GRIK2: variants seen among roughly 807,000 people sequenced by gnomAD.
The protein encoded by GRIK2 is glutamate receptor ionotropic, kainate 2.
In GRIK2, 32 loss-of-function variants were observed where a neutral mutation model predicts 100.3. That is an observed-to-expected ratio of 0.32 (90% CI 0.24 to 0.43). The LOEUF (loss-of-function observed/expected upper bound fraction) is 0.43, where lower values mean the gene tolerates loss of function less well. GRIK2 is among the 20% of genes least tolerant of loss of function. The pLI is 1.00. For missense variants in GRIK2, 843 were observed against 1,114.9 expected (o/e 0.76, Z 3.47); for synonymous variants, 417 against 389.4 (o/e 1.07, Z -0.83).
chr6:102,051,431 A>G (rs920344995), intron 15 of GRIK2, among the ~76,000 whole-genome samples: 2 of 152,154 alleles, frequency 1.3e-5, no homozygotes, highest in African/African-American at 2.4e-5. Flanking sequence ...TGTTTAAATT[A>G]TCAAAGAAAG....
intron 15 of GRIK2, among the ~76,000 whole-genome samples, chr6:102,049,880 A>G (rs1771081626): frequency 6.6e-6 from 1 of 152,196 alleles, no homozygotes; most frequent in Non-Finnish European, 1.5e-5. Context: ...TCAGCATGTT[A>G]AATATAAGAT....
chr6:101,542,473 C>A (rs1161356919), intron 2 of GRIK2, among the ~76,000 whole-genome samples: 1 of 45,638 alleles, frequency 2.2e-5, no homozygotes, highest in African/African-American at 8.8e-5. Context: ...AAAGAATGGT[C>A]ACTGTAGCAA....
chr6:101,820,677 C>G (rs376344951), intron 10 of GRIK2, among the ~76,000 whole-genome samples: 1 of 152,144 alleles, frequency 6.6e-6, no homozygotes, highest in Admixed American at 6.6e-5. Context: ...CTCTTGACCT[C>G]GTGATCCGCC....
chr6:101,493,939 G>A (rs1424190443), intron 2 of GRIK2, among the ~76,000 whole-genome samples: 2 of 140,222 alleles, frequency 1.4e-5, no homozygotes, highest in African/African-American at 2.6e-5. Flanking sequence ...TATATAATAT[G>A]TATTTATATA....
At chr6:102,016,775 ACTCC>A (rs1357541323) in intron 14 of GRIK2, among the ~76,000 whole-genome samples, 3 of 152,030 alleles carry the variant, frequency 2.0e-5, no homozygotes, top group African/African-American at 7.2e-5. Flanking sequence ...AATGCAGAGA[ACTCC>A]CACAAAATAT....
intron 10 of GRIK2, among the ~76,000 whole-genome samples, chr6:101,849,566 A>T (rs926334907): frequency 3.3e-5 from 5 of 151,912 alleles, no homozygotes; most frequent in Non-Finnish European, 7.4e-5. Flanking sequence ...TGATTTCCAT[A>T]CTCTATAAAA....
At chr6:101,626,282 T>G in intron 3 of GRIK2, 98 bp from the exon 4 acceptor site, 295 of 1,084,244 alleles carry the variant, frequency 2.7e-4, no homozygotes, top group Non-Finnish European at 3.6e-4. Context: ...AAATCTTTCT[T>G]GAGAATGATA....
chr6:101,492,940 C>A (rs1159702672), intron 2 of GRIK2, among the ~76,000 whole-genome samples: 1 of 151,744 alleles, frequency 6.6e-6, no homozygotes, highest in Non-Finnish European at 1.5e-5. Flanking sequence ...AAAAGACTAT[C>A]AGAAATAAAC....
rs947746406 is a variant in GRIK2, at chr6:101,495,478, C to T, written c.115+96086C>T. Among the ~76,000 whole-genome samples the T allele has an allele frequency of 2.0e-5, 3 of 152,032 alleles. No individual in the cohort carries two copies. The South Asian group carries it at 6.2e-4, about 32-fold the overall frequency. ...CCAAGATCTTGCCACTGCACTCTAGCCTGGGAGATAGAGCAAGACTCCGTC... is the reference window on the plus strand; with the variant it reads ...CCAAGATCTTGCCACTGCACTCTAGTCTGGGAGATAGAGCAAGACTCCGTC... On this transcript the variant is annotated intron_variant, in intron 2 of 16. Transcript: ENST00000369134.
chr6:101,571,941 GAAA>G (rs1160743100), intron 2 of GRIK2, among the ~76,000 whole-genome samples: 1 of 151,892 alleles, frequency 6.6e-6, no homozygotes, highest in Non-Finnish European at 1.5e-5. Context: ...TTACAAAACA[GAAA>G]AAAGGTGGAA....
At chr6:101,794,525 A>G (rs1332252050) in intron 7 of GRIK2, among the ~76,000 whole-genome samples, 2 of 151,606 alleles carry the variant, frequency 1.3e-5, no homozygotes, top group African/African-American at 2.4e-5. Context: ...TTTCTCTCTT[A>G]TTGTTTATCA....
intron 11 of GRIK2, among the ~76,000 whole-genome samples, chr6:101,871,942 A>G (rs1172501961): frequency 6.6e-6 from 1 of 151,936 alleles, no homozygotes; most frequent in Non-Finnish European, 1.5e-5. Flanking sequence ...TCTTTGAGAA[A>G]TCTCTAAAAT....
intron 7 of GRIK2, among the ~76,000 whole-genome samples, chr6:101,687,391 T>C (rs2518298): frequency 0.81 from 123,178 of 151,894 alleles, 51,749 homozygotes; most frequent in South Asian, 0.94. Context: ...GAAATTACCA[T>C]CTGCTTTTAA....
At chr6:101,512,986 A>G in intron 2 of GRIK2, among the ~76,000 whole-genome samples, 1 of 90,198 alleles carries the variant, frequency 1.1e-5, no homozygotes, top group South Asian at 6.0e-4. Flanking sequence ...CACTTGTTAC[A>G]GTCTTTCCAT....
chr6:101,608,827 G>GTGTGTGTA (rs1779554063), intron 2 of GRIK2, among the ~76,000 whole-genome samples: 1 of 72,092 alleles, frequency 1.4e-5, no homozygotes, highest in African/African-American at 5.8e-5. Context: ...GTATGTATGT[G>GTGTGTGTA]TGTGTGTGTC....
chr6:101,794,291 C>G (rs60086103), intron 7 of GRIK2, among the ~76,000 whole-genome samples: 24,921 of 151,988 alleles, frequency 0.16, 3,317 homozygotes, highest in East Asian at 0.66. Context: ...GAAATCACCC[C>G]TCTTCTGCGT....
chr6:101,969,658 A>G (rs1240839956), intron 14 of GRIK2, among the ~76,000 whole-genome samples: 2 of 152,094 alleles, frequency 1.3e-5, no homozygotes, highest in Non-Finnish European at 2.9e-5. Context: ...TTCATAGGAT[A>G]TACTTTTAGT....
intron 7 of GRIK2, among the ~76,000 whole-genome samples, chr6:101,700,645 A>G (rs1484945636): frequency 6.6e-6 from 1 of 152,152 alleles, no homozygotes; most frequent in African/African-American, 2.4e-5. Context: ...CAATATATTT[A>G]GCATGTTGCT....
intron 15 of GRIK2, among the ~76,000 whole-genome samples, chr6:102,053,942 A>C (rs1438038504): frequency 6.6e-6 from 1 of 152,196 alleles, no homozygotes; most frequent in East Asian, 1.9e-4. Context: ...TTTACACTGC[A>C]CCTTCATGTT....
Sources: gnomAD v4.1 joint callset for allele counts (sites outside exome capture counted in the v4.1 genomes callset) on GRCh38, gnomAD v4.1.1 for gene constraint, MANE v1.5 for transcripts, NCBI Gene and HGNC (gene_info 2026-07-23, HGNC 2026-07-21) for gene names.